The following ESR1 variants were observed in gnomAD, a reference collection of about 807,000 sequenced individuals.
ESR1 encodes the protein estrogen receptor.
ESR1 carries 12 observed loss-of-function variants against 52.7 expected under a neutral mutation model. The observed-to-expected ratio is 0.23, with a 90% CI of 0.15 to 0.37. ESR1 has a LOEUF of 0.37. ESR1 is among the 10% of genes least tolerant of loss of function. ESR1 has a pLI of 1.00. For missense variants in ESR1, 584 were observed against 779.7 expected, an observed-to-expected ratio of 0.75 and a Z score of 2.99; for synonymous variants, 305 against 316.8, an observed-to-expected ratio of 0.96 and a Z score of 0.39.
chr6:151,822,755 T>C (rs981361142), intron 1 of ESR1, among the ~76,000 whole-genome samples: 5 of 152,224 alleles, frequency 3.3e-5, no homozygotes, highest in African/African-American at 1.2e-4. Flanking sequence ...AATCAGAAGG[T>C]TCATTAGCTT....
Position 151,968,535 on chromosome 6 carries a change from C to A in ESR1, c.1096+24027C>A, listed in dbSNP as rs9383950. Among the ~76,000 whole-genome samples the A allele has an allele frequency of 6.6e-5, 10 of 152,286 alleles. No homozygotes were observed. The East Asian group carries it at 1.5e-3, about 24-fold the overall frequency. ...TGCAATCTATCCGTCTGACAAATGG[C>A]TAATATCCAGAATGATCTCTATTTT... is the stretch of plus-strand genomic sequence containing the variant. On this transcript the variant is annotated intron_variant, in intron 4 of 7. Transcript: ENST00000206249.
rs1488671050 is a variant in ESR1, at chr6:151,967,415, A to G, written c.1096+22907A>G. Among the ~76,000 whole-genome samples, 2 of 152,066 alleles carry G rather than the reference A, an allele frequency of 1.3e-5. 1 individual carries two copies. The highest frequency in any genetic ancestry group is 2.9e-5 in the Non-Finnish European group (2 of 68,004). ...TGTTCTCATTATTCAACTCCCCCTT[A>G]TGAGTGAGAACATGTGGTGTTTGGT... is the stretch of plus-strand genomic sequence containing the variant. On this transcript the variant is annotated intron_variant, in intron 4 of 7. Coordinates refer to ENST00000206249, the MANE Select transcript of ESR1 (RefSeq NM_000125.4).
chr6:152,063,923 A>G (rs1428467039), intron 6 of ESR1, among the ~76,000 whole-genome samples: 5 of 152,208 alleles, frequency 3.3e-5, no homozygotes, highest in Admixed American at 6.5e-5. Context: ...CACAAGGGGA[A>G]TTGAAAGGTT....
chr6:151,850,128 C>T (rs1428716592), intron 2 of ESR1, among the ~76,000 whole-genome samples: 2 of 2,072 alleles, frequency 9.7e-4, no homozygotes, highest in African/African-American at 2.8e-3. Context: ...ATATATATGT[C>T]TGGTACAGGC....
At chr6:151,661,858 G>A (rs914669797) in intron 1 of ESR1, among the ~76,000 whole-genome samples, 8 of 152,168 alleles carry the variant, frequency 5.3e-5, no homozygotes, top group African/African-American at 1.9e-4. Context: ...GACGTGCCTT[G>A]TTTCCCCTTT....
At chr6:151,865,946 G>A (rs1350146751) in intron 2 of ESR1, among the ~76,000 whole-genome samples, 3 of 152,204 alleles carry the variant, frequency 2.0e-5, no homozygotes, top group East Asian at 1.9e-4. Flanking sequence ...GATGTGGGGC[G>A]CATCCTATCT....
chr6:151,989,333 A>G (rs75906258), intron 4 of ESR1, among the ~76,000 whole-genome samples: 3,203 of 152,170 alleles, frequency 0.021, 126 homozygotes, highest in African/African-American at 0.074. Flanking sequence ...GGTTTAATAA[A>G]TGTTTTGTGA....
chr6:151,968,929 G>A (rs1370009165), intron 4 of ESR1, among the ~76,000 whole-genome samples: 1 of 152,072 alleles, frequency 6.6e-6, no homozygotes, highest in Non-Finnish European at 1.5e-5. Context: ...AAGATCTGGA[G>A]GTTCTTAAGC....
intron 6 of ESR1, among the ~76,000 whole-genome samples, chr6:152,083,249 A>G (rs2049390972): frequency 6.6e-6 from 1 of 152,226 alleles, no homozygotes; most frequent in Non-Finnish European, 1.5e-5. Context: ...ACAGCATGGT[A>G]CTGGTACCAA....
At chr6:152,056,032 A>C (rs1160839253) in intron 5 of ESR1, among the ~76,000 whole-genome samples, 1 of 152,222 alleles carries the variant, frequency 6.6e-6, no homozygotes, top group Non-Finnish European at 1.5e-5. Context: ...TCAAGATCAC[A>C]AAGTTAGTAA....
At chr6:151,993,513 C>T (rs1195130216) in intron 4 of ESR1, among the ~76,000 whole-genome samples, 2 of 152,142 alleles carry the variant, frequency 1.3e-5, no homozygotes, top group African/African-American at 4.8e-5. Flanking sequence ...AGGAAAGGAC[C>T]AGAGGAGCAC....
rs1464137218 is a variant in ESR1, at chr6:151,829,342, C to T, written c.453-13255C>T. Among the ~76,000 whole-genome samples the T allele has an allele frequency of 2.0e-5, 3 of 152,160 alleles. No individual in the cohort carries two copies. In the South Asian group the frequency reaches 6.2e-4, roughly 32 times the overall value. On this transcript the variant is annotated intron_variant, in intron 1 of 7. Coordinates refer to ENST00000206249, the MANE Select transcript of ESR1 (RefSeq NM_000125.4). The stretch of plus-strand genomic sequence containing the variant: ...TGTCAGATATACAGAAGTGTTTCTC[C>T]CCTTTTCTCTGTCTCTCTTTTCCTT...
chr6:151,829,691 A>G (rs772401523), intron 1 of ESR1, among the ~76,000 whole-genome samples: 18 of 152,208 alleles, frequency 1.2e-4, no homozygotes, highest in Non-Finnish European at 2.2e-4. Flanking sequence ...GAGGCAAGGG[A>G]TAAAATCATG....
At chr6:151,732,125 T>C (rs1782291782) in intron 2 of ESR1, among the ~76,000 whole-genome samples, 1 of 152,218 alleles carries the variant, frequency 6.6e-6, no homozygotes, top group Non-Finnish European at 1.5e-5. Flanking sequence ...TTAGAAATGA[T>C]AATTTTTATA....
chr6:151,978,776 A>T (rs917157211), intron 4 of ESR1, among the ~76,000 whole-genome samples: 1 of 152,112 alleles, frequency 6.6e-6, no homozygotes, highest in East Asian at 1.9e-4. Flanking sequence ...TTACATTTCA[A>T]AAAAAGAGGG....
chr6:152,092,132 G>A (rs2050234724), intron 6 of ESR1, among the ~76,000 whole-genome samples: 1 of 152,216 alleles, frequency 6.6e-6, no homozygotes, highest in Non-Finnish European at 1.5e-5. Flanking sequence ...CCACGGCCAT[G>A]GGAGGTTTGC....
intron 5 of ESR1, among the ~76,000 whole-genome samples, chr6:152,016,004 T>G (rs2043140711): frequency 6.6e-6 from 1 of 152,148 alleles, no homozygotes; most frequent in Non-Finnish European, 1.5e-5. Context: ...AATCCCCAGG[T>G]GTCAAGGGTG....
At position 151,808,349 on chromosome 6, in the gene ESR1, C is replaced by G; in HGVS notation, c.437C>G (p.Pro146Arg). 1 of 1,511,858 alleles carries G rather than the reference C, an allele frequency of 6.6e-7. No individual in the cohort carries two copies. Among genetic ancestry groups the G allele is most frequent in the Non-Finnish European group, 8.8e-7 (1 of 1,134,782 alleles). 93.7% of individuals were successfully genotyped at this position (1,511,858 alleles called of 1,614,324 possible). ...GGCTACACGGTGCGCGAGGCCGGCC[C>G]GCCGGCATTCTACAGGTACCCGCGC... The part of the protein sequence containing the change: ...PSGYTVREAG[P>R]PAFYRPNSDN... Residue 146 changes from proline to arginine, a missense_variant, in exon 1 of 8, where the codon CCG becomes CGG. Transcript: ENST00000206249.
At chr6:152,122,833 C>T (rs879669262) in intron 6 of ESR1, among the ~76,000 whole-genome samples, 7 of 152,138 alleles carry the variant, frequency 4.6e-5, no homozygotes, top group Non-Finnish European at 7.4e-5. Flanking sequence ...CAGGTCACCC[C>T]CCACCATCAA....
Sources: gnomAD v4.1 joint callset for allele counts (sites outside exome capture counted in the v4.1 genomes callset) on GRCh38, gnomAD v4.1.1 for gene constraint, MANE v1.5 for transcripts, NCBI Gene and HGNC (gene_info 2026-07-23, HGNC 2026-07-21) for gene names.